The following GCSAML variants were observed in gnomAD, a reference collection of about 807,000 sequenced individuals.
GCSAML encodes the protein germinal center associated signaling and motility like.
GCSAML carries 9 observed loss-of-function variants against 13.0 expected under a neutral mutation model. The ratio of observed to expected loss-of-function variants is 0.69; its 90% CI spans 0.42 to 1.21. The LOEUF is 1.21. Ranked by LOEUF, GCSAML falls within the 50% of genes most tolerant of loss-of-function variation. GCSAML has a pLI of 0.00. For synonymous variants in GCSAML, 37 were observed against 52.9 expected (o/e 0.70, Z 1.31); for missense variants, 143 against 153.4 (o/e 0.93, Z 0.36).
chr1:247,534,384 A>T (rs1467384718), intron 2 of GCSAML, among the ~76,000 whole-genome samples: 1 of 152,192 alleles, frequency 6.6e-6, no homozygotes, highest in Non-Finnish European at 1.5e-5. Flanking sequence ...GACTAGAGTA[A>T]TATGAAGGCA....
In GCSAML at chr1:247,559,422, C is replaced by G. The variant is rs985432116; in HGVS notation, c.89+2956C>G. On this transcript the variant is annotated intron_variant, in intron 2 of 4. Transcript: ENST00000366488. ...GGTGTTTGTCGGTTTTAATCTTTAT[C>G]ATGCCATCTTCTGTCCAGCTTTTTT... Among the ~76,000 whole-genome samples the G allele has an allele frequency of 1.6e-4, 24 of 149,496 alleles. 1 individual carries two copies. The highest frequency in any genetic ancestry group is 1.5e-5 in the Non-Finnish European group (1 of 67,952).
At chr1:247,512,764 G>T (rs1202239932) in intron 1 of GCSAML, among the ~76,000 whole-genome samples, 2 of 152,044 alleles carry the variant, frequency 1.3e-5, no homozygotes, top group African/African-American at 4.8e-5. Flanking sequence ...TAACAGTCAG[G>T]CTCCTCTATT....
At chr1:247,546,414 A>T (rs1002438233), upstream of GCSAML, among the ~76,000 whole-genome samples, 5 of 152,036 alleles carry the variant, frequency 3.3e-5, no homozygotes, top group Admixed American at 6.6e-5. Flanking sequence ...GCTGGAGTGC[A>T]GTGGCGCGAT....
chr1:247,571,255 G>A (rs1488378079), intron 4 of GCSAML, among the ~76,000 whole-genome samples: 6 of 152,124 alleles, frequency 3.9e-5, no homozygotes, highest in Admixed American at 2.0e-4. Context: ...GATGCTAGCT[G>A]GTTATTTTGC....
intron 1 of GCSAML, among the ~76,000 whole-genome samples, chr1:247,521,259 C>G (rs1168292932): frequency 6.6e-6 from 1 of 152,064 alleles, no homozygotes; most frequent in Non-Finnish European, 1.5e-5. Context: ...ATTGATGAGA[C>G]TGTTACAAGG....
upstream of GCSAML, among the ~76,000 whole-genome samples, chr1:247,548,351 G>A (rs1324971878): frequency 6.6e-6 from 1 of 152,242 alleles, no homozygotes; most frequent in African/African-American, 2.4e-5. This position sits in a 1 kb window ranked among gnomAD's most constrained non-coding sequence, Gnocchi z 5.3. Flanking sequence ...CCTAGGGGAG[G>A]AAGTGGGGGA....
intron 1 of GCSAML, among the ~76,000 whole-genome samples, chr1:247,510,611 T>C (rs1035156084): frequency 6.6e-6 from 1 of 152,160 alleles, no homozygotes; most frequent in African/African-American, 2.4e-5. Context: ...ATTTTAGATC[T>C]TTCCTGCTTT....
At chr1:247,551,961 A>G (rs1287786424) in intron 1 of GCSAML, among the ~76,000 whole-genome samples, 2 of 152,216 alleles carry the variant, frequency 1.3e-5, no homozygotes, top group Non-Finnish European at 2.9e-5. Flanking sequence ...CTTATGACCT[A>G]CAGTCAGACA....
intron 2 of GCSAML, chr1:247,530,783 C>T (rs1362902610): frequency 6.4e-6 from 1 of 157,368 alleles, no homozygotes; most frequent in African/African-American, 2.4e-5. Flanking sequence ...AGAGCGGTCG[C>T]CCAGGACGTG....
chr1:247,536,543 A>G (rs958428786), intron 2 of GCSAML: 46 of 152,374 alleles, frequency 3.0e-4, no homozygotes, highest in African/African-American at 1.1e-3. Context: ...GAAGTGTGAC[A>G]TAAAGTCCTT....
chr1:247,530,432 G>A (rs1476299996), intron 2 of GCSAML: 1 of 151,556 alleles, frequency 6.6e-6, no homozygotes, highest in African/African-American at 2.4e-5. Flanking sequence ...GGTGAATCTC[G>A]CCTCACTGTA....
At chr1:247,525,108 T>TTTA (rs1461575071) in intron 1 of GCSAML, 1 of 152,246 alleles carries the variant, frequency 6.6e-6, no homozygotes, top group Non-Finnish European at 1.5e-5. Flanking sequence ...GAAATTTAAA[T>TTTA]ATGTCCACAT....
chr1:247,552,703 A>G lies in GCSAML; in HGVS notation c.29+3483A>G, dbSNP rs563620033. On this transcript the variant is annotated intron_variant, in intron 1 of 4. Transcript: ENST00000366488. ...CAGCTTGAATTTGGATTCAGACAAC[A>G]TTGTGAATATAGAGATCTATTTGCA... is the stretch of plus-strand genomic sequence containing the variant. Among the ~76,000 whole-genome samples, 112 of 152,320 alleles carry G rather than the reference A, an allele frequency of 7.4e-4. 1 individual carries two copies. Among genetic ancestry groups the G allele is most frequent in the East Asian group, 5.0e-3 (26 of 5,192 alleles).
rs1490595973 is a variant in GCSAML at position 247,576,225 on chromosome 1, C to T, written c.*1843C>T. The T allele has an allele frequency of 2.0e-5, 3 of 152,146 alleles. No individual in the cohort carries two copies. Among genetic ancestry groups the T allele is most frequent in the African/African-American group, 7.2e-5 (3 of 41,402 alleles). The allele number at this position is 152,146 out of a possible 1,614,324, so 9.4% of individuals were successfully genotyped here. On this transcript the variant is annotated 3_prime_UTR_variant, in exon 5 of 5. Coordinates refer to ENST00000366488, the MANE Select transcript of GCSAML (RefSeq NM_145278.5). Reference sequence around the variant, plus strand: ...TTGGACCATCAGAAAGCAGAAGTGTCACTATTTCAAGTCAGTGCTCAAAAA... The same window carrying T: ...TTGGACCATCAGAAAGCAGAAGTGTTACTATTTCAAGTCAGTGCTCAAAAA...
At position 247,527,285 on chromosome 1, in the gene GCSAML, G is replaced by A. The variant is rs373954621; in HGVS notation, c.-148+231G>A. On this transcript the variant is annotated intron_variant, in intron 2 of 5. Coordinates refer to the GCSAML transcript ENST00000366489. The surrounding 1 kb of genome is among the most constrained non-coding windows in gnomAD (Gnocchi z 4.6). ...TCCTCATGGTTCTGGGAGGGTCTGCGTTGTCTGCTATCCCCACATAAACTG... is the reference window on the plus strand; with the variant it reads ...TCCTCATGGTTCTGGGAGGGTCTGCATTGTCTGCTATCCCCACATAAACTG... 18 of 317,438 alleles carry A rather than the reference G, an allele frequency of 5.7e-5. No homozygotes were observed. Among genetic ancestry groups the A allele is most frequent in the Admixed American group, 2.1e-4 (5 of 23,348 alleles). 19.7% of individuals were successfully genotyped at this position (317,438 alleles called of 1,614,324 possible). A position where few individuals can be genotyped will look rare whatever the true frequency, so the allele number is the denominator to read the frequency against.
chr1:247,546,242 T>G (rs1228225099), upstream of GCSAML, among the ~76,000 whole-genome samples: 1 of 152,184 alleles, frequency 6.6e-6, no homozygotes, highest in East Asian at 1.9e-4. Flanking sequence ...GCATGATCAT[T>G]GCACACTACA....
chr1:247,510,166 G>T (rs1665980475), intron 1 of GCSAML, among the ~76,000 whole-genome samples: 1 of 152,136 alleles, frequency 6.6e-6, no homozygotes, highest in African/African-American at 2.4e-5. Context: ...ATTAATTACT[G>T]CCTCAATTTG....
chr1:247,531,621 C>G (rs566537826), intron 2 of GCSAML: 1 of 1,614,180 alleles, frequency 6.2e-7, no homozygotes, highest in Admixed American at 1.7e-5. Context: ...CGCTCTTCAC[C>G]TCCGTGTTCC....
upstream of GCSAML, among the ~76,000 whole-genome samples, chr1:247,546,552 A>G (rs572217225): frequency 2.2e-3 from 339 of 151,880 alleles, no homozygotes; most frequent in East Asian, 4.7e-3. Context: ...TAGTGGAGAC[A>G]GGGTTTCACT....
Sources: gnomAD v4.1 joint callset for allele counts (sites outside exome capture counted in the v4.1 genomes callset) on GRCh38, gnomAD v4.1.1 for gene constraint, Gnocchi (gnomAD v3.1) non-coding constraint, MANE v1.5 for transcripts, NCBI Gene and HGNC (gene_info 2026-07-23, HGNC 2026-07-21) for gene names.